MEGF9: variants seen among roughly 807,000 people sequenced by gnomAD.
MEGF9 encodes the protein multiple epidermal growth factor-like domains protein 9.
In MEGF9, 6 loss-of-function variants were observed where a neutral mutation model predicts 46.8. The observed-to-expected ratio is 0.13, with a 90% CI of 0.07 to 0.25. MEGF9 has a LOEUF of 0.25. MEGF9 is among the 10% of genes least tolerant of loss of function. The pLI, the probability that MEGF9 is intolerant of heterozygous loss-of-function variation, is 1.00. For missense variants in MEGF9, 683 were observed against 792.4 expected (o/e 0.86, Z 1.66); for synonymous variants, 302 against 330.7 (o/e 0.91, Z 0.94).
intron 2 of MEGF9, among the ~76,000 whole-genome samples, chr9:120,632,351 T>G (rs1162754780): frequency 7.6e-6 from 1 of 130,730 alleles, no homozygotes; most frequent in Non-Finnish European, 1.7e-5. Context: ...TTTTTTTTTT[T>G]GGAGCTATTT....
intron 1 of MEGF9, among the ~76,000 whole-genome samples, chr9:120,711,869 A>ACACACACACACC (rs1205420778): frequency 8.7e-5 from 13 of 149,948 alleles, no homozygotes; most frequent in African/African-American, 2.2e-4. Flanking sequence ...ACACACACAC[A>ACACACACACACC]CACCCACAGG....
At chr9:120,626,626 G>A (rs981950449) in intron 2 of MEGF9, among the ~76,000 whole-genome samples, 3 of 152,154 alleles carry the variant, frequency 2.0e-5, no homozygotes, top group South Asian at 2.1e-4. Flanking sequence ...AGTGGGTGGA[G>A]AAGCTTCAGA....
Position 120,605,261 on chromosome 9 carries a change from C to G in MEGF9, c.1738G>C (p.Asp580His). The G allele has an allele frequency of 6.2e-7, 1 of 1,614,022 alleles. No homozygotes were observed. The change falls in exon 6 of 6, where the codon GAT becomes CAT. Residue 580 changes from aspartate (D) to histidine (H), a missense_variant. Physicochemically the swap from Asp to His is moderately conservative, Grantham distance 81. Transcript: ENST00000373930. The surrounding 1 kb of genome is among the most constrained non-coding windows in gnomAD (Gnocchi z 4.0). The part of the protein sequence containing the change: ...PNADVSGLLE[D>H]DGNEVAPNGQ... Reference sequence around the variant, plus strand: ...TTGGGAGCCACTTCATTGCCATCATCTTCCAACAATCCCGAAACATCTGCA... The same window carrying G: ...TTGGGAGCCACTTCATTGCCATCATGTTCCAACAATCCCGAAACATCTGCA...
intron 1 of MEGF9, among the ~76,000 whole-genome samples, chr9:120,670,863 A>G (rs2132327973): frequency 6.6e-6 from 1 of 152,288 alleles, no homozygotes; most frequent in East Asian, 1.9e-4. Flanking sequence ...ATTTACCTTC[A>G]AATATGCATT....
chr9:120,634,615 T>A (rs1233802739), intron 2 of MEGF9, among the ~76,000 whole-genome samples: 1 of 152,116 alleles, frequency 6.6e-6, no homozygotes, highest in Non-Finnish European at 1.5e-5. Flanking sequence ...TCTGTGTATG[T>A]CTTTACAAGT....
Position 120,687,065 on chromosome 9 carries a change from C to CA in MEGF9, c.601+26692dup, listed in dbSNP as rs924148782. The stretch of plus-strand genomic sequence containing the variant: ...GCTATATGTTTTAATGCTTTCCCTC[C>CA]AAAAAAAATATCTAATTTTAAGGAG... On this transcript the variant is annotated intron_variant, in intron 1 of 5. Coordinates refer to ENST00000373930, the MANE Select transcript of MEGF9 (RefSeq NM_001080497.3). Among the ~76,000 whole-genome samples the CA allele has an allele frequency of 7.9e-5, 12 of 151,330 alleles. 1 individual carries two copies. The highest frequency in any genetic ancestry group is 4.2e-4 in the South Asian group (2 of 4,782).
chr9:120,690,237 A>G (rs1242625646), intron 1 of MEGF9, among the ~76,000 whole-genome samples: 6 of 152,176 alleles, frequency 3.9e-5, no homozygotes, highest in African/African-American at 1.4e-4. Flanking sequence ...CATAAAAATT[A>G]AAGAATGGGA....
chr9:120,622,367 T>C (rs1459257083), intron 3 of MEGF9, among the ~76,000 whole-genome samples: 1 of 150,852 alleles, frequency 6.6e-6, no homozygotes, highest in Non-Finnish European at 1.5e-5. Context: ...AGTTCCAACC[T>C]TTCTGGAATT....
intron 1 of MEGF9, among the ~76,000 whole-genome samples, chr9:120,704,821 A>G (rs1351727793): frequency 6.6e-6 from 1 of 152,240 alleles, no homozygotes; most frequent in Non-Finnish European, 1.5e-5. Context: ...ATTAACTTTA[A>G]TTATATTTCT....
chr9:120,657,980 T>C (rs1378775942), intron 2 of MEGF9, among the ~76,000 whole-genome samples: 1 of 151,328 alleles, frequency 6.6e-6, no homozygotes, highest in African/African-American at 2.5e-5. Context: ...CTTAATGAAG[T>C]TCTCTTCTAC....
chr9:120,709,827 T>C (rs1300700961), intron 1 of MEGF9, among the ~76,000 whole-genome samples: 1 of 151,894 alleles, frequency 6.6e-6, no homozygotes, highest in Non-Finnish European at 1.5e-5. Context: ...GGTGGGCAGA[T>C]TACCTGAGGT....
chr9:120,654,494 T>C (rs991992772), intron 2 of MEGF9, among the ~76,000 whole-genome samples: 6 of 152,212 alleles, frequency 3.9e-5, no homozygotes, highest in Admixed American at 6.5e-5. Context: ...ATATTACTCA[T>C]GTGTTCATGG....
chr9:120,676,141 C>G (rs2043772396), intron 1 of MEGF9, among the ~76,000 whole-genome samples: 1 of 151,604 alleles, frequency 6.6e-6, no homozygotes, highest in African/African-American at 2.4e-5. Flanking sequence ...TTACAATATT[C>G]AATTTTCAGC....
intron 1 of MEGF9, among the ~76,000 whole-genome samples, chr9:120,672,897 C>T (rs1564425135): frequency 6.6e-6 from 1 of 152,100 alleles, no homozygotes; most frequent in Non-Finnish European, 1.5e-5. Context: ...GTGGTGCATG[C>T]CTGTAATCCC....
intron 1 of MEGF9, among the ~76,000 whole-genome samples, chr9:120,698,436 C>T (rs1213666795): frequency 2.0e-5 from 3 of 152,186 alleles, no homozygotes; most frequent in Non-Finnish European, 4.4e-5. Context: ...CTAGCTTGAC[C>T]TGGGCCATTC....
chr9:120,646,482 G>A (rs947459289), intron 2 of MEGF9, among the ~76,000 whole-genome samples: 1 of 152,158 alleles, frequency 6.6e-6, no homozygotes, highest in African/African-American at 2.4e-5. Context: ...TTTGCTGTCT[G>A]TAAAGTCCTT....
intron 1 of MEGF9, among the ~76,000 whole-genome samples, chr9:120,700,041 A>T (rs1348092561): frequency 6.6e-6 from 1 of 152,226 alleles, no homozygotes; most frequent in Non-Finnish European, 1.5e-5. Context: ...ACATTCCATT[A>T]TAAGCTAATA....
intron 2 of MEGF9, among the ~76,000 whole-genome samples, chr9:120,636,230 G>A (rs988278308): frequency 5.3e-5 from 8 of 152,262 alleles, no homozygotes; most frequent in Admixed American, 2.0e-4. Context: ...GAGCCACCGC[G>A]TCCAGCCTAC....
chr9:120,622,511 A>C (rs573385640), intron 3 of MEGF9, 105 bp downstream of exon 3: 2 of 1,230,200 alleles, frequency 1.6e-6, no homozygotes, highest in African/African-American at 3.0e-5. Flanking sequence ...TTAGAAGATA[A>C]AGGCCCTTCC....
Sources: allele counts gnomAD v4.1 joint callset (sites outside exome capture counted in the v4.1 genomes callset), GRCh38; gene constraint gnomAD v4.1.1; non-coding constraint Gnocchi (gnomAD v3.1); transcripts MANE v1.5; gene names NCBI Gene and HGNC (gene_info 2026-07-23, HGNC 2026-07-21).